Variants in MYT1 observed in about 807,000 individuals in gnomAD.
MYT1 encodes the protein myelin transcription factor 1, also known as myelin transcription factor I.
MYT1 carries 23 observed loss-of-function variants against 123.0 expected under a neutral mutation model. The observed-to-expected ratio is 0.19, with a 90% CI of 0.13 to 0.26. The LOEUF is 0.26. Ranked by LOEUF, MYT1 falls within the 10% of genes least tolerant of loss-of-function variation. MYT1 has a pLI of 1.00. For missense variants in MYT1, 1,125 were observed against 1,472.5 expected, an observed-to-expected ratio of 0.76 and a Z score of 3.86; for synonymous variants, 518 against 575.3, an observed-to-expected ratio of 0.90 and a Z score of 1.43.
chr20:64,199,229 C>T (rs1003587019), intron 3 of MYT1, among the ~76,000 whole-genome samples: 4 of 152,202 alleles, frequency 2.6e-5, no homozygotes, highest in East Asian at 1.9e-4. Context: ...AGCCTTCCAC[C>T]GCCAGCCCCC....
chr20:64,212,581 A>C lies in MYT1; in HGVS notation c.1517+443A>C, dbSNP rs1983713657. On this transcript the variant is annotated intron_variant, in intron 9 of 22. Transcript: ENST00000328439. The surrounding 1 kb of genome is among the most constrained non-coding windows in gnomAD (Gnocchi z 6.8). The stretch of plus-strand genomic sequence containing the variant: ...CTCTGTGAAGAGAGGTACAACAACC[A>C]TGTGAGAGCCAGGTGAATACTTTGT... Among the ~76,000 whole-genome samples the C allele has an allele frequency of 6.6e-6, 1 of 152,164 alleles. No homozygotes were observed.
In MYT1 at chr20:64,191,576, G is replaced by A. The variant is rs1271022504; in HGVS notation, c.-1+1416G>A. 1.3e-5 allele frequency: 2 copies of A among 152,244 alleles called. No homozygotes were observed. The highest frequency in any genetic ancestry group is 2.9e-5 in the Non-Finnish European group (2 of 68,046). The allele number at this position is 152,244 out of a possible 1,614,324, so 9.4% of individuals were successfully genotyped here. On this transcript the variant is annotated intron_variant, in intron 2 of 22. Transcript: ENST00000328439. The surrounding 1 kb of genome is among the most constrained non-coding windows in gnomAD (Gnocchi z 4.1). ...TGTAGGCAAGGAGGGCTATGCAGTT[G>A]TAGTGGGAACTTCATTTGGGGGTGC...
chr20:64,212,932 G>T lies in MYT1; in HGVS notation c.1518-602G>T, dbSNP rs1388742815. 6.6e-6 allele frequency among the ~76,000 whole-genome samples: 1 copy of T among 152,180 alleles called. No homozygotes were observed. The highest frequency in any genetic ancestry group is 2.1e-4 in the South Asian group (1 of 4,832). On this transcript the variant is annotated intron_variant, in intron 9 of 22. Transcript: ENST00000328439. The surrounding 1 kb of genome is among the most constrained non-coding windows in gnomAD (Gnocchi z 6.8). ...TTTGAGGTCACTTCATTTGAAAAGA[G>T]GCCAGTTCCCCATTACGTCACCTCC... is the stretch of plus-strand genomic sequence containing the variant.
In MYT1 at chr20:64,203,356, A is replaced by C. The variant is rs1342615030; in HGVS notation, c.87-1679A>C. Among the ~76,000 whole-genome samples, 2 of 152,240 alleles carry C rather than the reference A, an allele frequency of 1.3e-5. No individual in the cohort carries two copies. Among genetic ancestry groups the C allele is most frequent in the African/African-American group, 4.8e-5 (2 of 41,456 alleles). On this transcript the variant is annotated intron_variant, in intron 4 of 22. Coordinates refer to ENST00000328439, the MANE Select transcript of MYT1 (RefSeq NM_004535.3). The surrounding 1 kb of genome is among the most constrained non-coding windows in gnomAD (Gnocchi z 5.1). ...AGGAGCTTTTTTGTGAAAAGTCCCA[A>C]AGCTAGTTCTCCAAAGAGTGAAAGC...
In MYT1 at chr20:64,213,385, G is replaced by A; in HGVS notation, c.1518-149G>A. ...AAACCCCTGTCCTGCAGAATGACAG[G>A]GTTATTCCCGGCTCTGGGCTTCTCT... On this transcript the variant is annotated intron_variant, in intron 9 of 22. Transcript: ENST00000328439. This position sits in a 1 kb window ranked among gnomAD's most constrained non-coding sequence, Gnocchi z 5.6. The A allele has an allele frequency of 1.6e-6, 1 of 617,088 alleles. No homozygotes were observed. 38.2% of individuals were successfully genotyped at this position (617,088 alleles called of 1,614,324 possible).
Position 64,240,306 on chromosome 20 carries a change from G to T in MYT1, c.3238-14G>T, listed in dbSNP as rs774284344. ...TGCATGGACGGAGCTTGCTAACCTG[G>T]TTCTGTTCTCTAGGAGCCAATATGC... On this transcript the variant is annotated splice_polypyrimidine_tract_variant and intron_variant, in intron 22 of 22. Transcript: ENST00000328439. The T allele has an allele frequency of 6.2e-7, 1 of 1,612,636 alleles. No individual in the cohort carries two copies. The highest frequency in any genetic ancestry group is 2.2e-5 in the East Asian group (1 of 44,882).
intron 14 of MYT1, among the ~76,000 whole-genome samples, chr20:64,222,526 C>T (rs570056563): frequency 6.6e-6 from 1 of 152,354 alleles, no homozygotes; most frequent in Admixed American, 6.5e-5. Flanking sequence ...AGCTGGTCCG[C>T]ATGGGGTTGG....
intron 14 of MYT1, among the ~76,000 whole-genome samples, chr20:64,222,863 C>T (rs887227557): frequency 6.6e-6 from 1 of 152,236 alleles, no homozygotes; most frequent in South Asian, 2.1e-4. Context: ...AGCACATGTG[C>T]GTCAGAGGCA....
chr20:64,206,871 G>T (rs116725117), intron 6 of MYT1, among the ~76,000 whole-genome samples: 83 of 152,274 alleles, frequency 5.5e-4, no homozygotes, highest in Non-Finnish European at 9.7e-4. Context: ...ACAACCCTAC[G>T]GGGCCTGCAT....
chr20:64,200,138 C>T (rs370240424), intron 4 of MYT1, among the ~76,000 whole-genome samples: 34 of 152,336 alleles, frequency 2.2e-4, no homozygotes, highest in Middle Eastern at 3.4e-3. Flanking sequence ...CATCATGTGG[C>T]GCACCAGCAT....
chr20:64,198,977 C>T (rs1983210369), intron 3 of MYT1, 61 bp downstream of exon 3: 4 of 1,573,414 alleles, frequency 2.5e-6, no homozygotes, highest in Admixed American at 3.4e-5. Flanking sequence ...CGGTCTTCCT[C>T]AGGAGCACAA....
intron 1 of MYT1, among the ~76,000 whole-genome samples, chr20:64,165,270 C>T (rs561861508): frequency 6.6e-6 from 1 of 152,134 alleles, no homozygotes; most frequent in African/African-American, 2.4e-5. Flanking sequence ...CATTTCTCAA[C>T]TTAAGGATCA....
In MYT1 at chr20:64,170,926, G is replaced by T. The variant is rs1023909693; in HGVS notation, c.-99+6187G>T. Among the ~76,000 whole-genome samples the T allele has an allele frequency of 1.9e-4, 24 of 128,376 alleles. 1 individual carries two copies. Among genetic ancestry groups the T allele is most frequent in the African/African-American group, 7.3e-4 (23 of 31,394 alleles). The allele number at this position is 128,376 out of a possible 152,430, so 84.2% of individuals were successfully genotyped here. A position where few individuals can be genotyped will look rare whatever the true frequency, so the allele number is the denominator to read the frequency against. ...AGAGAGAGAGAGAGAGAGAGAGAGAGAGAGAGAGACGGAGTCTTGCTCTGT... is the reference window on the plus strand; with the variant it reads ...AGAGAGAGAGAGAGAGAGAGAGAGATAGAGAGAGACGGAGTCTTGCTCTGT... On this transcript the variant is annotated intron_variant, in intron 1 of 22. Transcript: ENST00000328439.
At position 64,213,762 on chromosome 20, in the gene MYT1, CGTGCATGTG is replaced by C; in HGVS notation, c.1631+116_1631+124del. ...GTGTGAGTGCATGTGTGTGAGTGTA[CGTGCATGTG>C]AGTGTACGTGCATGTGAGTGTGCAC... On this transcript the variant is annotated intron_variant, in intron 10 of 22. Coordinates refer to ENST00000328439, the MANE Select transcript of MYT1 (RefSeq NM_004535.3). The surrounding 1 kb of genome is among the most constrained non-coding windows in gnomAD (Gnocchi z 5.6). The C allele has an allele frequency of 2.4e-6, 2 of 844,842 alleles. No homozygotes were observed. The highest frequency in any genetic ancestry group is 3.8e-6 in the Non-Finnish European group (2 of 524,186). 52.3% of individuals were successfully genotyped at this position (844,842 alleles called of 1,614,324 possible).
At position 64,207,661 on chromosome 20, in the gene MYT1, C is replaced by T; in HGVS notation, c.465C>T (p.Gly155=). 4 of 1,614,068 alleles carry T rather than the reference C, an allele frequency of 2.5e-6. No individual in the cohort carries two copies. Among genetic ancestry groups the T allele is most frequent in the Non-Finnish European group, 3.4e-6 (4 of 1,180,026 alleles). The stretch of plus-strand genomic sequence containing the variant: ...GCAGCGCCACTGCCTCCTCCAAGGG[C>T]AGCTACAGCAGCTACCAGGGAATCA... ...PIGSATASSK[G]SYSSYQGIIA... Residue 155 remains glycine (G), a synonymous_variant, in exon 7 of 23, where the codon GGC becomes GGT. Coordinates refer to ENST00000328439, the MANE Select transcript of MYT1 (RefSeq NM_004535.3).
chr20:64,176,257 T>C (rs1319514430), intron 1 of MYT1, among the ~76,000 whole-genome samples: 1 of 96,668 alleles, frequency 1.0e-5, no homozygotes, highest in African/African-American at 4.2e-5. Flanking sequence ...TGTAGTTGTG[T>C]CCATTTCCCC....
chr20:64,199,741 C>T, intron 3 of MYT1, 151 bp from the exon 4 acceptor site: 1 of 856,776 alleles, frequency 1.2e-6, no homozygotes. Context: ...AGGGTGAGCG[C>T]CCTGGGGAAA....
chr20:64,202,984 G>A lies in MYT1; in HGVS notation c.87-2051G>A, dbSNP rs1983369710. 6.6e-6 allele frequency among the ~76,000 whole-genome samples: 1 copy of A among 152,246 alleles called. No homozygotes were observed. Among genetic ancestry groups the A allele is most frequent in the Admixed American group, 6.5e-5 (1 of 15,288 alleles). On this transcript the variant is annotated intron_variant, in intron 4 of 22. Coordinates refer to ENST00000328439, the MANE Select transcript of MYT1 (RefSeq NM_004535.3). The surrounding 1 kb of genome is among the most constrained non-coding windows in gnomAD (Gnocchi z 5.0). ...TGAGTGTGCTTGCAGGTGAACTGCA[G>A]GGCTGGCATCTGCTGGCACGACACC... is the stretch of plus-strand genomic sequence containing the variant.
rs960250451 is a variant in MYT1, at chr20:64,190,991, CA to C, written c.-1+839del. ...CTCAGAAAACAAGCAAGCAAGCAAA[CA>C]AAAAAAACCCACCAAAATGAAAATG... is the stretch of plus-strand genomic sequence containing the variant. On this transcript the variant is annotated intron_variant, in intron 2 of 22. Transcript: ENST00000328439. This position sits in a 1 kb window ranked among gnomAD's most constrained non-coding sequence, Gnocchi z 4.1. Among the ~76,000 whole-genome samples, 6 of 151,948 alleles carry C rather than the reference CA, an allele frequency of 3.9e-5. No homozygotes were observed. The highest frequency in any genetic ancestry group is 1.3e-4 in the Admixed American group (2 of 15,266).
Sources: allele counts gnomAD v4.1 joint callset (sites outside exome capture counted in the v4.1 genomes callset), GRCh38; gene constraint gnomAD v4.1.1; non-coding constraint Gnocchi (gnomAD v3.1); transcripts MANE v1.5; gene names NCBI Gene and HGNC (gene_info 2026-07-23, HGNC 2026-07-21).